Variants in PBX3 observed in about 807,000 individuals in gnomAD.
The protein encoded by PBX3 is PBX homeobox 3.
A neutral mutation model predicts 48.5 loss-of-function variants in PBX3; 14 were observed. That is an observed-to-expected ratio of 0.29 (90% CI 0.19 to 0.45). The LOEUF (loss-of-function observed/expected upper bound fraction) is 0.45, where lower values mean the gene tolerates loss of function less well. PBX3 is among the 20% of genes least tolerant of loss of function. The pLI, the probability that PBX3 is intolerant of heterozygous loss-of-function variation, is 1.00. For missense variants in PBX3, 386 were observed against 546.7 expected, an observed-to-expected ratio of 0.71 and a Z score of 2.93; for synonymous variants, 210 against 200.3, an observed-to-expected ratio of 1.05 and a Z score of -0.41.
intron 4 of PBX3, among the ~76,000 whole-genome samples, chr9:125,932,689 G>T (rs149219918): frequency 2.0e-5 from 3 of 152,306 alleles, no homozygotes; most frequent in African/African-American, 7.2e-5. Flanking sequence ...CTGATAGAAA[G>T]AAATATTTTC....
intron 2 of PBX3, among the ~76,000 whole-genome samples, chr9:125,881,343 T>C (rs1412185276): frequency 6.6e-6 from 1 of 152,160 alleles, no homozygotes; most frequent in Non-Finnish European, 1.5e-5. Context: ...TGTAAAGCTG[T>C]GTGTTGGGAT....
intron 3 of PBX3, among the ~76,000 whole-genome samples, chr9:125,922,189 T>C (rs535785261): frequency 1.3e-5 from 2 of 152,204 alleles, no homozygotes; most frequent in South Asian, 2.1e-4. Flanking sequence ...TAAAAAGTTA[T>C]TGAGAATCCA....
At chr9:125,788,459 C>T (rs1837513824) in intron 2 of PBX3, among the ~76,000 whole-genome samples, 1 of 152,130 alleles carries the variant, frequency 6.6e-6, no homozygotes, top group Non-Finnish European at 1.5e-5. Flanking sequence ...TATTCATTGT[C>T]TGTACTTTCG....
chr9:125,767,557 A>T lies in PBX3; in HGVS notation c.274+18934A>T, dbSNP rs552726647. 3.0e-4 allele frequency among the ~76,000 whole-genome samples: 46 copies of T among 152,306 alleles called. No individual in the cohort carries two copies. The South Asian group carries it at 9.1e-3, about 30-fold the overall frequency. On this transcript the variant is annotated intron_variant, in intron 2 of 8. Transcript: ENST00000373489. ...TAGTGTAGTTTCCTATGTGAAAGTGATAAAAGCAGTGGACCCACTGCTCAC... is the reference window on the plus strand; with the variant it reads ...TAGTGTAGTTTCCTATGTGAAAGTGTTAAAAGCAGTGGACCCACTGCTCAC...
chr9:125,755,680 T>G (rs1836496677), intron 2 of PBX3, among the ~76,000 whole-genome samples: 1 of 149,918 alleles, frequency 6.7e-6, no homozygotes, highest in Non-Finnish European at 1.5e-5. Flanking sequence ...TTGTTTTTTT[T>G]TTTTTTTTTT....
intron 2 of PBX3, among the ~76,000 whole-genome samples, chr9:125,872,883 G>A (rs988717112): frequency 1.3e-5 from 2 of 151,464 alleles, no homozygotes; most frequent in Admixed American, 6.6e-5. Context: ...CTTAAAAACA[G>A]CTTCAAACTA....
At chr9:125,840,330 G>A (rs1839254491) in intron 2 of PBX3, among the ~76,000 whole-genome samples, 1 of 151,862 alleles carries the variant, frequency 6.6e-6, no homozygotes, top group African/African-American at 2.4e-5. Flanking sequence ...ATTTAATAGT[G>A]TTCTTCTGGT....
chr9:125,908,484 A>G (rs1488652132), intron 2 of PBX3, among the ~76,000 whole-genome samples: 1 of 152,080 alleles, frequency 6.6e-6, no homozygotes, highest in Non-Finnish European at 1.5e-5. Context: ...AGTCCTGGAG[A>G]TGCACTCTTA....
At chr9:125,796,311 TCTTATA>T (rs1452490712) in intron 2 of PBX3, among the ~76,000 whole-genome samples, 1 of 152,176 alleles carries the variant, frequency 6.6e-6, no homozygotes, top group African/African-American at 2.4e-5. Flanking sequence ...GAGAAATGGA[TCTTATA>T]CTTATATCAC....
At chr9:125,920,694 G>A (rs963749493) in intron 3 of PBX3, among the ~76,000 whole-genome samples, 12 of 152,166 alleles carry the variant, frequency 7.9e-5, no homozygotes, top group African/African-American at 2.9e-4. Context: ...AGTGTTGTAA[G>A]GGTCCCAACC....
At chr9:125,803,091 CTTTTTT>C (rs59714151) in intron 2 of PBX3, among the ~76,000 whole-genome samples, 1 of 108,918 alleles carries the variant, frequency 9.2e-6, no homozygotes, top group Non-Finnish European at 1.9e-5. Flanking sequence ...CCACTAATGT[CTTTTTT>C]TTTTTTTTTT....
chr9:125,939,404 T>C (rs970951828), intron 5 of PBX3, among the ~76,000 whole-genome samples: 1 of 152,214 alleles, frequency 6.6e-6, no homozygotes, highest in African/African-American at 2.4e-5. Context: ...AAAATTGCAG[T>C]ATTTTTATAT....
intron 2 of PBX3, among the ~76,000 whole-genome samples, chr9:125,913,296 TC>T (rs1345831137): frequency 2.0e-5 from 3 of 152,150 alleles, no homozygotes; most frequent in Non-Finnish European, 2.9e-5. Flanking sequence ...ATTTTCCTGT[TC>T]TTGAGGCAAG....
chr9:125,811,171 T>C (rs1407572610), intron 2 of PBX3, among the ~76,000 whole-genome samples: 1 of 152,222 alleles, frequency 6.6e-6, no homozygotes, highest in African/African-American at 2.4e-5. Flanking sequence ...TCCGTTAGCC[T>C]GTAAAATATG....
At chr9:125,899,353 T>TATAAAAATATATACATATATGTATATTTA (rs1840873712) in intron 2 of PBX3, among the ~76,000 whole-genome samples, 1 of 92,514 alleles carries the variant, frequency 1.1e-5, no homozygotes, top group Non-Finnish European at 2.2e-5. Flanking sequence ...GTATATATTT[T>TATAAAAATATATACATATATGTATATTTA]TATATAAATA....
chr9:125,793,365 AAATATATAT>A (rs1224824615), intron 2 of PBX3, among the ~76,000 whole-genome samples: 5 of 95,574 alleles, frequency 5.2e-5, no homozygotes, highest in South Asian at 4.0e-4. Flanking sequence ...GGGAAAAAAA[AAATATATAT>A]ATATATATAT....
intron 2 of PBX3, among the ~76,000 whole-genome samples, chr9:125,909,059 G>A (rs923222594): frequency 3.9e-5 from 6 of 151,962 alleles, no homozygotes; most frequent in Admixed American, 1.3e-4. Flanking sequence ...TATATCAAGC[G>A]CTCCAACAAG....
chr9:125,795,495 T>G (rs1278371152), intron 2 of PBX3, among the ~76,000 whole-genome samples: 2 of 152,174 alleles, frequency 1.3e-5, no homozygotes, highest in African/African-American at 4.8e-5. Context: ...CTTTAATGGT[T>G]CCAGTTTTAC....
At chr9:125,951,868 C>T (rs1220390522) in intron 5 of PBX3, among the ~76,000 whole-genome samples, 1 of 152,138 alleles carries the variant, frequency 6.6e-6, no homozygotes. Flanking sequence ...TCCAGCGTGC[C>T]CAGCCTTTCT....
Sources: allele counts gnomAD v4.1 joint callset (sites outside exome capture counted in the v4.1 genomes callset), GRCh38; gene constraint gnomAD v4.1.1; transcripts MANE v1.5; gene names NCBI Gene and HGNC (gene_info 2026-07-23, HGNC 2026-07-21).